Variants in FRMD4A observed in about 807,000 individuals in gnomAD.
The protein encoded by FRMD4A is FERM domain-containing protein 4A.
In FRMD4A, 29 loss-of-function variants were observed where a neutral mutation model predicts 129.1. That is an observed-to-expected ratio of 0.22 (90% confidence interval 0.17 to 0.31). The LOEUF (loss-of-function observed/expected upper bound fraction) is 0.31. FRMD4A is among the 10% of genes least tolerant of loss of function. FRMD4A has a pLI of 1.00. For missense variants in FRMD4A, 1,272 were observed against 1,375.8 expected (o/e 0.92, Z 1.19); for synonymous variants, 634 against 571.6 (o/e 1.11, Z -1.56).
chr10:13,880,933 A>C (rs547914320), intron 2 of FRMD4A, among the ~76,000 whole-genome samples: 1 of 152,078 alleles, frequency 6.6e-6, no homozygotes, highest in South Asian at 2.1e-4. Flanking sequence ...CTTCGAATGC[A>C]AGCTCCCCAG....
chr10:13,755,295 G>A (rs535843818), intron 8 of FRMD4A, among the ~76,000 whole-genome samples: 2 of 152,152 alleles, frequency 1.3e-5, no homozygotes, highest in South Asian at 2.1e-4. Context: ...TGGAATTTTC[G>A]GATACCAGTA....
chr10:13,760,537 A>T (rs1471084355), intron 8 of FRMD4A, among the ~76,000 whole-genome samples: 1 of 151,992 alleles, frequency 6.6e-6, no homozygotes, highest in African/African-American at 2.4e-5. Context: ...ATTAAAAAAT[A>T]ATAATAATAA....
chr10:14,303,191 G>A (rs184100449), intron 2 of FRMD4A, among the ~76,000 whole-genome samples: 98 of 152,232 alleles, frequency 6.4e-4, no homozygotes, highest in Admixed American at 1.1e-3. Flanking sequence ...AAGCCTCCTC[G>A]TACCCCTTAA....
Position 14,141,857 on chromosome 10 carries a change from C to A in FRMD4A, c.45+188201G>T, listed in dbSNP as rs539454113. On this transcript the variant is annotated intron_variant, in intron 2 of 24. Transcript: ENST00000357447. ...CTTGTGTCTGTGCATGTGTGTTTCA[C>A]CCACAACATTACAGCTGCTTGTATC... Among the ~76,000 whole-genome samples the A allele has an allele frequency of 4.6e-5, 7 of 152,286 alleles. No individual in the cohort carries two copies. The South Asian group carries it at 1.5e-3, about 32-fold the overall frequency.
At chr10:13,887,747 T>C (rs902799025) in intron 2 of FRMD4A, among the ~76,000 whole-genome samples, 6 of 152,188 alleles carry the variant, frequency 3.9e-5, no homozygotes, top group Non-Finnish European at 8.8e-5. Context: ...TAGTGCAATG[T>C]ACTAAACAGT....
chr10:13,921,258 C>CTATCTCTT (rs2095068954), intron 2 of FRMD4A, among the ~76,000 whole-genome samples: 1 of 135,308 alleles, frequency 7.4e-6, no homozygotes, highest in African/African-American at 2.6e-5. Context: ...TTCTCTCTCT[C>CTATCTCTT]TCTCTCTTTC....
chr10:14,164,543 T>C (rs1458977186), intron 2 of FRMD4A, among the ~76,000 whole-genome samples: 1 of 152,166 alleles, frequency 6.6e-6, no homozygotes, highest in Non-Finnish European at 1.5e-5. Flanking sequence ...TGATTCCCGG[T>C]GCACAGTAAG....
intron 2 of FRMD4A, among the ~76,000 whole-genome samples, chr10:13,883,504 AAC>A (rs1398710066): frequency 2.0e-5 from 3 of 147,912 alleles, no homozygotes; most frequent in East Asian, 2.9e-4. Flanking sequence ...AAAACAAACA[AAC>A]AAAAAAAACC....
chr10:13,735,877 G>T (rs2090601161), intron 12 of FRMD4A, among the ~76,000 whole-genome samples: 1 of 152,202 alleles, frequency 6.6e-6, no homozygotes, highest in Non-Finnish European at 1.5e-5. Flanking sequence ...AGTCAGGCCA[G>T]GTGTGGTGGC....
At chr10:13,833,230 A>T (rs919072928) in intron 3 of FRMD4A, among the ~76,000 whole-genome samples, 3 of 152,194 alleles carry the variant, frequency 2.0e-5, no homozygotes, top group African/African-American at 4.8e-5. Context: ...ACAGTTCCAT[A>T]TGGCTGGGGA....
chr10:13,829,317 G>A (rs1420340118), intron 3 of FRMD4A, among the ~76,000 whole-genome samples: 1 of 152,118 alleles, frequency 6.6e-6, no homozygotes, highest in Non-Finnish European at 1.5e-5. Context: ...TTGAGGCCAG[G>A]AATTCGAGAC....
chr10:13,762,735 T>C, intron 6 of FRMD4A, 55 bp from the exon 7 acceptor site: 1 of 1,126,056 alleles, frequency 8.9e-7, no homozygotes, highest in Non-Finnish European at 1.3e-6. Flanking sequence ...CACCATTTTT[T>C]TCTTTTATTT....
chr10:14,207,916 G>T (rs1010284802), intron 2 of FRMD4A, among the ~76,000 whole-genome samples: 2 of 152,130 alleles, frequency 1.3e-5, no homozygotes, highest in African/African-American at 4.8e-5. Flanking sequence ...AAACAAAATT[G>T]TTGGCTGGGC....
chr10:14,068,245 G>A (rs1835155133), intron 2 of FRMD4A, among the ~76,000 whole-genome samples: 1 of 152,210 alleles, frequency 6.6e-6, no homozygotes, highest in Admixed American at 6.5e-5. Flanking sequence ...GCTGGTATCA[G>A]TAGGTAGGAA....
intron 2 of FRMD4A, among the ~76,000 whole-genome samples, chr10:14,108,351 T>C (rs1837694541): frequency 6.6e-6 from 1 of 152,234 alleles, no homozygotes. Context: ...CAGCAGATCC[T>C]TGGGGGCACT....
At chr10:14,246,324 C>T (rs1415640527) in intron 2 of FRMD4A, among the ~76,000 whole-genome samples, 1 of 152,102 alleles carries the variant, frequency 6.6e-6, no homozygotes, top group Non-Finnish European at 1.5e-5. Context: ...CAGGAAAGTA[C>T]TTTATGAGCA....
intron 2 of FRMD4A, among the ~76,000 whole-genome samples, chr10:14,099,199 C>T (rs940106809): frequency 6.6e-6 from 1 of 152,222 alleles, no homozygotes; most frequent in Non-Finnish European, 1.5e-5. Context: ...GACATTTGGC[C>T]TAAGCCCATA....
At chr10:14,111,410 G>A (rs986379812) in intron 2 of FRMD4A, among the ~76,000 whole-genome samples, 2 of 152,144 alleles carry the variant, frequency 1.3e-5, no homozygotes, top group Non-Finnish European at 2.9e-5. Context: ...CCCAAGCTGT[G>A]ATTTGGCTCA....
intron 2 of FRMD4A, among the ~76,000 whole-genome samples, chr10:14,258,322 T>TGA (rs796371113): frequency 7.0e-5 from 10 of 142,566 alleles, no homozygotes; most frequent in South Asian, 2.2e-4. Flanking sequence ...GGGTTTTAAC[T>TGA]AAAAAAAAAA....
Sources: allele counts gnomAD v4.1 joint callset (sites outside exome capture counted in the v4.1 genomes callset), GRCh38; gene constraint gnomAD v4.1.1; transcripts MANE v1.5; gene names NCBI Gene and HGNC (gene_info 2026-07-23, HGNC 2026-07-21).